PPP5C: variants seen among roughly 807,000 people sequenced by gnomAD.
PPP5C encodes protein phosphatase 5 catalytic subunit, also known as serine/threonine-protein phosphatase 5.
Under a neutral mutation model 66.7 loss-of-function variants are expected in PPP5C, and 21 were observed. The ratio of observed to expected loss-of-function variants is 0.31; its 90% CI spans 0.22 to 0.45. The LOEUF is 0.45. Among genes scored for constraint, PPP5C ranks in the 20% least tolerant of loss-of-function variants. The pLI, the probability that PPP5C is intolerant of heterozygous loss-of-function variation, is 1.00. For missense variants in PPP5C, 464 were observed against 675.9 expected (o/e 0.69, Z 3.48); for synonymous variants, 246 against 257.4 (o/e 0.96, Z 0.43).
intron 4 of PPP5C, among the ~76,000 whole-genome samples, chr19:46,377,778 C>T (rs1381468346): frequency 2.6e-5 from 4 of 152,210 alleles, no homozygotes; most frequent in African/African-American, 9.6e-5. Flanking sequence ...TCTCTTCTTT[C>T]ATGTGGCACA....
At chr19:46,351,634 G>A (rs535480690) in intron 1 of PPP5C, among the ~76,000 whole-genome samples, 60 of 152,358 alleles carry the variant, frequency 3.9e-4, no homozygotes, top group Non-Finnish European at 6.9e-4. Context: ...CGCGGGCCAG[G>A]CAGCCTCTGG....
chr19:46,388,184 G>T lies in PPP5C; in HGVS notation c.1136-224G>T. ...GCTCTATCTGGCTTCGGGGCCACAG[G>T]GGATTGAATGGGGTCTGGAGGGCAG... On this transcript the variant is annotated intron_variant, in intron 9 of 12. Transcript: ENST00000012443. The surrounding 1 kb of genome is among the most constrained non-coding windows in gnomAD (Gnocchi z 4.9). The T allele has an allele frequency of 1.9e-6, 1 of 524,276 alleles. No individual in the cohort carries two copies. Among genetic ancestry groups the T allele is most frequent in the Non-Finnish European group, 3.4e-6 (1 of 296,368 alleles). 32.5% of individuals were successfully genotyped at this position (524,276 alleles called of 1,614,324 possible). A position where few individuals can be genotyped will look rare whatever the true frequency, so the allele number is the denominator to read the frequency against.
rs1032458618 is a variant in PPP5C, at chr19:46,389,679, A to AGGCTGACTGCATCCCCGTGGTGCCGTGTG, written c.1356-371_1356-343dup. ...GTACGAGTCACCTGTGTCCTGGACT[A>AGGCTGACTGCATCCCCGTGGTGCCGTGTG]GGCTGACTGCATCCCCGTGGTGCCG... is the stretch of plus-strand genomic sequence containing the variant. On this transcript the variant is annotated intron_variant, in intron 11 of 12. Coordinates refer to ENST00000012443, the MANE Select transcript of PPP5C (RefSeq NM_006247.4). Among the ~76,000 whole-genome samples the AGGCTGACTGCATCCCCGTGGTGCCGTGTG allele has an allele frequency of 3.9e-5, 6 of 152,074 alleles. 1 individual carries two copies. The highest frequency in any genetic ancestry group is 1.2e-4 in the African/African-American group (5 of 41,466).
At chr19:46,363,778 CAT>C (rs1382273802) in intron 2 of PPP5C, among the ~76,000 whole-genome samples, 1 of 152,148 alleles carries the variant, frequency 6.6e-6, no homozygotes, top group Non-Finnish European at 1.5e-5. Flanking sequence ...AATTTTGTAT[CAT>C]GTAGATAATA....
chr19:46,369,549 G>A (rs754217027), intron 2 of PPP5C, among the ~76,000 whole-genome samples: 8 of 148,140 alleles, frequency 5.4e-5, no homozygotes, highest in South Asian at 4.4e-4. Flanking sequence ...GGAGAATGGC[G>A]TGAACCCGGG....
intron 2 of PPP5C, among the ~76,000 whole-genome samples, chr19:46,362,506 A>T (rs1972408848): frequency 6.6e-6 from 1 of 152,186 alleles, no homozygotes; most frequent in Non-Finnish European, 1.5e-5. Context: ...GATTTGAGAA[A>T]CCTTTTTAAG....
At chr19:46,362,489 A>C (rs1214678254) in intron 2 of PPP5C, among the ~76,000 whole-genome samples, 2 of 152,220 alleles carry the variant, frequency 1.3e-5, no homozygotes, top group African/African-American at 4.8e-5. Flanking sequence ...GGGCATAATT[A>C]CCAAAAGATT....
rs57181889 is a variant in PPP5C, at chr19:46,389,362, AACACACACACACACACACACACACACAC to A, written c.1356-617_1356-590del. On this transcript the variant is annotated intron_variant, in intron 11 of 12. Coordinates refer to ENST00000012443, the MANE Select transcript of PPP5C (RefSeq NM_006247.4). The stretch of plus-strand genomic sequence containing the variant: ...GGGCAAGAGTAAGACTCCATCTCAA[AACACACACACACACACACACACACACAC>A]ACACACACACACACACACACACACA... Among the ~76,000 whole-genome samples the A allele has an allele frequency of 7.0e-3, 687 of 97,902 alleles. 6 individuals are homozygous for A. The highest frequency in any genetic ancestry group is 0.015 in the Middle Eastern group (3 of 196). 64.2% of individuals were successfully genotyped at this position (97,902 alleles called of 152,430 possible).
chr19:46,386,946 C>A, intron 7 of PPP5C, 147 bp from the exon 8 acceptor site: 1 of 1,110,540 alleles, frequency 9.0e-7, no homozygotes, highest in South Asian at 1.5e-5. Flanking sequence ...CCCTTGGTAC[C>A]TCCAGTCTGG....
At position 46,376,959 on chromosome 19, in the gene PPP5C, C is replaced by T. The variant is rs1288239114; in HGVS notation, c.633+385C>T. ...TGGTTGCTCCTAGTCCTGAGACCAC[C>T]CCCTCCCCGACCTAGGAGGGCAGCT... On this transcript the variant is annotated intron_variant, in intron 4 of 12. Coordinates refer to ENST00000012443, the MANE Select transcript of PPP5C (RefSeq NM_006247.4). The surrounding 1 kb of genome is among the most constrained non-coding windows in gnomAD (Gnocchi z 5.1). 1.3e-5 allele frequency among the ~76,000 whole-genome samples: 2 copies of T among 152,122 alleles called. No individual in the cohort carries two copies. The highest frequency in any genetic ancestry group is 3.9e-4 in the East Asian group (2 of 5,190).
intron 2 of PPP5C, among the ~76,000 whole-genome samples, chr19:46,364,696 A>G (rs1972461227): frequency 6.6e-6 from 1 of 152,138 alleles, no homozygotes; most frequent in Admixed American, 6.5e-5. Context: ...ATCTCTTATG[A>G]GATTGCAGCC....
At position 46,354,920 on chromosome 19, in the gene PPP5C, A is replaced by C. The variant is rs1972257346; in HGVS notation, c.363+931A>C. 2.0e-5 allele frequency among the ~76,000 whole-genome samples: 3 copies of C among 152,328 alleles called. No homozygotes were observed. In the South Asian group the frequency reaches 6.2e-4, roughly 32 times the overall value. On this transcript the variant is annotated intron_variant, in intron 2 of 12. Coordinates refer to ENST00000012443, the MANE Select transcript of PPP5C (RefSeq NM_006247.4). Reference sequence around the variant, plus strand: ...CGCTAGTGCCCTCACCCACCTAATGAAAATCCTGACGGTATGAGGCTCTGC... The same window carrying C: ...CGCTAGTGCCCTCACCCACCTAATGCAAATCCTGACGGTATGAGGCTCTGC...
At chr19:46,387,283 C>T (rs768585799) in intron 8 of PPP5C, 48 bp downstream of exon 8, 3 of 1,613,644 alleles carry the variant, frequency 1.9e-6, no homozygotes, top group Non-Finnish European at 2.5e-6. Flanking sequence ...CCAGCCACAC[C>T]TGGGCAGATG....
At chr19:46,366,297 C>A (rs1232597973) in intron 2 of PPP5C, among the ~76,000 whole-genome samples, 1 of 152,030 alleles carries the variant, frequency 6.6e-6, no homozygotes, top group East Asian at 1.9e-4. Flanking sequence ...CCTGGAAACA[C>A]TTTAAGTTAC....
intron 2 of PPP5C, among the ~76,000 whole-genome samples, chr19:46,361,451 A>G (rs1972388147): frequency 2.1e-5 from 3 of 145,410 alleles, no homozygotes; most frequent in East Asian, 2.2e-4. Flanking sequence ...ATTATCTTTT[A>G]CTAATACTAC....
In PPP5C at chr19:46,388,946, G is replaced by A. The variant is rs1405684635; in HGVS notation, c.1355+215G>A. Among the ~76,000 whole-genome samples the A allele has an allele frequency of 6.6e-6, 1 of 152,120 alleles. No individual in the cohort carries two copies. ...CTGCCCTGTGTTACAGCAAGCCCCT[G>A]GCACTTCACCTTTCTCCCACTGATT... is the stretch of plus-strand genomic sequence containing the variant. On this transcript the variant is annotated intron_variant, in intron 11 of 12. Coordinates refer to ENST00000012443, the MANE Select transcript of PPP5C (RefSeq NM_006247.4). The surrounding 1 kb of genome is among the most constrained non-coding windows in gnomAD (Gnocchi z 4.9).
At position 46,375,820 on chromosome 19, in the gene PPP5C, G is replaced by A; in HGVS notation, c.511+69G>A. The A allele has an allele frequency of 2.0e-6, 3 of 1,508,648 alleles. No individual in the cohort carries two copies. In the South Asian group the frequency reaches 3.9e-5, roughly 20 times the overall value. 93.5% of individuals were successfully genotyped at this position (1,508,648 alleles called of 1,614,324 possible). A position where few individuals can be genotyped will look rare whatever the true frequency, so the allele number is the denominator to read the frequency against. On this transcript the variant is annotated intron_variant, in intron 3 of 12. Coordinates refer to ENST00000012443, the MANE Select transcript of PPP5C (RefSeq NM_006247.4). ...CACACGGGCCTTCTCCATTCCCTGG[G>A]GGTGGGGTTGGGCTCAGGGGTGGCC...
chr19:46,377,850 G>A (rs1453994634), intron 4 of PPP5C, among the ~76,000 whole-genome samples: 2 of 152,250 alleles, frequency 1.3e-5, no homozygotes, highest in Admixed American at 6.5e-5. Flanking sequence ...TCCATTGTCT[G>A]AACAGCCCAT....
Position 46,374,886 on chromosome 19 carries a change from A to G in PPP5C, c.364-718A>G, listed in dbSNP as rs79608822. Among the ~76,000 whole-genome samples, 223 of 152,306 alleles carry G rather than the reference A, an allele frequency of 1.5e-3. 3 individuals carry two copies. In the East Asian group the frequency reaches 0.038, roughly 26 times the overall value. ...CAGACTCACCTGCCTGAGGTCACCC[A>G]GCTCATGACTTGCAGAGCTGGGATT... is the stretch of plus-strand genomic sequence containing the variant. On this transcript the variant is annotated intron_variant, in intron 2 of 12. Transcript: ENST00000012443.
Sources: allele counts gnomAD v4.1 joint callset (sites outside exome capture counted in the v4.1 genomes callset), GRCh38; gene constraint gnomAD v4.1.1; non-coding constraint Gnocchi (gnomAD v3.1); transcripts MANE v1.5; gene names NCBI Gene and HGNC (gene_info 2026-07-23, HGNC 2026-07-21).